The following CAMSAP2 variants were observed in gnomAD, a reference collection of about 807,000 sequenced individuals.
CAMSAP2 encodes the protein calmodulin regulated spectrin associated protein family member 2, also known as calmodulin-regulated spectrin-associated protein 2.
In CAMSAP2, 26 loss-of-function variants were observed where a neutral mutation model predicts 146.1. The ratio of observed to expected loss-of-function variants is 0.18; its 90% CI spans 0.13 to 0.25. The LOEUF (loss-of-function observed/expected upper bound fraction) is 0.25. Among genes scored for constraint, CAMSAP2 ranks in the 10% least tolerant of loss-of-function variants. The pLI, the probability that CAMSAP2 is intolerant of heterozygous loss-of-function variation, is 1.00. For missense variants in CAMSAP2, 1,381 were observed against 1,759.3 expected, an observed-to-expected ratio of 0.78 and a Z score of 3.85; for synonymous variants, 499 against 596.6, an observed-to-expected ratio of 0.84 and a Z score of 2.38.
chr1:200,854,040 G>A (rs1558212143), intron 13 of CAMSAP2, among the ~76,000 whole-genome samples: 1 of 152,126 alleles, frequency 6.6e-6, no homozygotes, highest in Non-Finnish European at 1.5e-5. Flanking sequence ...GTGCAGTGGT[G>A]TGATCATGGC....
Position 200,832,156 on chromosome 1 carries a change from T to G in CAMSAP2, c.646-44T>G. On this transcript the variant is annotated intron_variant, in intron 4 of 16. Transcript: ENST00000358823. The surrounding 1 kb of genome is among the most constrained non-coding windows in gnomAD (Gnocchi z 4.2). ...CAGTACTGATTTTTTTCCTATGCGT[T>G]ATTTGGTACTTATTTATTTTCATGT... The G allele has an allele frequency of 6.6e-7, 1 of 1,520,958 alleles. No individual in the cohort carries two copies. The highest frequency in any genetic ancestry group is 8.9e-7 in the Non-Finnish European group (1 of 1,126,110). The allele number at this position is 1,520,958 out of a possible 1,614,324, so 94.2% of individuals were successfully genotyped here.
intron 4 of CAMSAP2, among the ~76,000 whole-genome samples, chr1:200,818,341 A>G (rs916552257): frequency 3.3e-5 from 5 of 152,176 alleles, no homozygotes; most frequent in Admixed American, 2.6e-4. Context: ...GTTGTATTAC[A>G]TGGCTTTTAC....
chr1:200,816,767 C>T (rs1261562758), intron 4 of CAMSAP2, among the ~76,000 whole-genome samples: 4 of 110,436 alleles, frequency 3.6e-5, no homozygotes, highest in African/African-American at 1.5e-4. Flanking sequence ...TGTGTGTACA[C>T]ACACACGCGT....
intron 1 of CAMSAP2, among the ~76,000 whole-genome samples, chr1:200,748,325 C>T (rs1288493635): frequency 6.6e-6 from 1 of 152,176 alleles, no homozygotes; most frequent in East Asian, 1.9e-4. Context: ...TGTAAGTCCA[C>T]TCCCTTTTTA....
chr1:200,747,814 TC>T, intron 1 of CAMSAP2, among the ~76,000 whole-genome samples: 1 of 151,878 alleles, frequency 6.6e-6, no homozygotes, highest in African/African-American at 2.4e-5. Flanking sequence ...ATCGAGACCA[TC>T]CCGGTACTAA....
intron 14 of CAMSAP2, 117 bp from the exon 15 acceptor site, chr1:200,855,893 C>G: frequency 2.9e-6 from 2 of 695,676 alleles, no homozygotes; most frequent in Non-Finnish European, 5.0e-6. Flanking sequence ...CCGCGCCCGG[C>G]CTTATCATAT....
chr1:200,802,982 TTTC>T (rs1293750380), intron 2 of CAMSAP2, among the ~76,000 whole-genome samples: 1 of 152,188 alleles, frequency 6.6e-6, no homozygotes, highest in Non-Finnish European at 1.5e-5. Flanking sequence ...CCCAAATCCT[TTTC>T]TTTTCATTGA....
In CAMSAP2 at chr1:200,825,896, GTT is replaced by G. The variant is rs367796917; in HGVS notation, c.646-6302_646-6301del. Among the ~76,000 whole-genome samples, 581 of 152,280 alleles carry G rather than the reference GTT, an allele frequency of 3.8e-3. 4 individuals are homozygous for G. Among genetic ancestry groups the G allele is most frequent in the African/African-American group, 0.013 (560 of 41,558 alleles). ...GTACCTATGTGTAGGCATTTAAGTA[GTT>G]TCCAGTATCTTGCTATTGCAAATTG... On this transcript the variant is annotated intron_variant, in intron 4 of 16. Coordinates refer to ENST00000358823, the MANE Select transcript of CAMSAP2 (RefSeq NM_203459.4).
rs566501371 is a variant in CAMSAP2, at chr1:200,775,958, A to G, written c.399+14860A>G. ...CCAATATAAAATCACTGTTTCATCA[A>G]GGCAAAAGCTTTCAAGGATCTTTAA... is the stretch of plus-strand genomic sequence containing the variant. On this transcript the variant is annotated intron_variant, in intron 2 of 16. Transcript: ENST00000358823. Among the ~76,000 whole-genome samples, 16 of 152,258 alleles carry G rather than the reference A, an allele frequency of 1.1e-4. No individual in the cohort carries two copies. In the South Asian group the frequency reaches 3.3e-3, roughly 32 times the overall value.
chr1:200,761,312 C>T (rs1174626720), intron 2 of CAMSAP2, among the ~76,000 whole-genome samples: 1 of 152,218 alleles, frequency 6.6e-6, no homozygotes, highest in African/African-American at 2.4e-5. Context: ...GGAGAAACAA[C>T]TACATAATTT....
intron 1 of CAMSAP2, among the ~76,000 whole-genome samples, chr1:200,756,376 C>T (rs1664649307): frequency 6.6e-6 from 1 of 151,862 alleles, no homozygotes; most frequent in Non-Finnish European, 1.5e-5. Flanking sequence ...TTGCCCGAAC[C>T]CAGGAGGTGG....
chr1:200,803,539 C>A (rs73086656), intron 2 of CAMSAP2, among the ~76,000 whole-genome samples: 15,876 of 151,370 alleles, frequency 0.1, 907 homozygotes, highest in Middle Eastern at 0.14. Flanking sequence ...TAATGTTGAT[C>A]TTTTCTAAAT....
intron 2 of CAMSAP2, among the ~76,000 whole-genome samples, chr1:200,774,234 A>G (rs1665202886): frequency 6.6e-6 from 1 of 152,182 alleles, no homozygotes; most frequent in African/African-American, 2.4e-5. Context: ...GGTCATTAAA[A>G]CAAAAACTTT....
rs768940574 is a variant in CAMSAP2, at chr1:200,849,280, A to G, written c.2511A>G (p.Ile837Met). ...AAAGGAGCAAGTCACTGGCAGATAT[A>G]AAAGAGAGCATGGAGAATCCTCAAG... ...DGQRSKSLAD[I>M]KESMENPQAK... The change falls in exon 11 of 17, where the codon ATA (isoleucine) becomes ATG (methionine). Residue 837 changes from isoleucine (I) to methionine (M), a missense_variant. Physicochemically the swap from Ile to Met is conservative, Grantham distance 10. Around this residue, in one of 4 missense-constraint regions of CAMSAP2, gnomAD observed 560 missense variants for 715.9 expected, o/e 0.78. Transcript: ENST00000358823. This position sits in a 1 kb window ranked among gnomAD's most constrained non-coding sequence, Gnocchi z 6.3. The G allele has an allele frequency of 3.7e-6, 6 of 1,613,914 alleles. No homozygotes were observed. Among genetic ancestry groups the G allele is most frequent in the South Asian group, 1.1e-5 (1 of 91,090 alleles).
At chr1:200,816,940 GTA>G (rs1409774607) in intron 4 of CAMSAP2, among the ~76,000 whole-genome samples, 1 of 67,480 alleles carries the variant, frequency 1.5e-5, no homozygotes, top group African/African-American at 6.8e-5. Flanking sequence ...ACACGCGTGT[GTA>G]TGTGTGTACA....
At chr1:200,768,899 A>G (rs1017562643) in intron 2 of CAMSAP2, among the ~76,000 whole-genome samples, 2 of 151,926 alleles carry the variant, frequency 1.3e-5, no homozygotes, top group African/African-American at 4.8e-5. Flanking sequence ...TGATCCACCC[A>G]CCCTGGCCTC....
At position 200,842,075 on chromosome 1, in the gene CAMSAP2, C is replaced by T. The variant is rs188044529; in HGVS notation, c.1009C>T (p.Arg337Cys). 9.3e-6 allele frequency: 15 copies of T among 1,612,354 alleles called. No homozygotes were observed. Among genetic ancestry groups the T allele is most frequent in the Admixed American group, 5.0e-5 (3 of 59,990 alleles). Reference protein sequence around the residue: ...KPSFVQPRVVRPQGAEPVKDM... With the variant: ...KPSFVQPRVVCPQGAEPVKDM... ...GTCTTTTGTACAGCCTCGTGTTGTT[C>T]GTCCACAAGGAGGTAATCAATCTTT... Residue 337 changes from arginine to cysteine, a missense_variant, in exon 7 of 17, where the codon CGT becomes TGT. By Grantham distance (180) the Arg-to-Cys change is radical (BLOSUM62 -3). Around this residue, in one of 4 missense-constraint regions of CAMSAP2, gnomAD observed 284 missense variants for 406.9 expected, o/e 0.70. Coordinates refer to ENST00000358823, the MANE Select transcript of CAMSAP2 (RefSeq NM_203459.4).
rs573495923 is a variant in CAMSAP2, at chr1:200,809,963, T to C, written c.561+2426T>C. Among the ~76,000 whole-genome samples the C allele has an allele frequency of 2.0e-5, 3 of 152,254 alleles. No individual in the cohort carries two copies. In the South Asian group the frequency reaches 6.2e-4, roughly 32 times the overall value. The stretch of plus-strand genomic sequence containing the variant: ...CTTCCCCGTCTTACAAAGCTGCTAG[T>C]GATAGCCCGTTGATCCATTGATCTG... On this transcript the variant is annotated intron_variant, in intron 3 of 16. Coordinates refer to ENST00000358823, the MANE Select transcript of CAMSAP2 (RefSeq NM_203459.4).
intron 6 of CAMSAP2, among the ~76,000 whole-genome samples, chr1:200,833,811 T>C (rs182221697): frequency 1.3e-5 from 2 of 152,330 alleles, no homozygotes; most frequent in East Asian, 1.9e-4. Flanking sequence ...TTAAATGATA[T>C]GGTATCCTTG....
Sources: gnomAD v4.1 joint callset for allele counts (sites outside exome capture counted in the v4.1 genomes callset) on GRCh38, gnomAD v4.1.1 for gene constraint, gnomAD v4.1.1 regional missense constraint, Gnocchi (gnomAD v3.1) non-coding constraint, MANE v1.5 for transcripts, NCBI Gene and HGNC (gene_info 2026-07-23, HGNC 2026-07-21) for gene names.